USP25: variants seen among roughly 807,000 people sequenced by gnomAD.
The protein encoded by USP25 is ubiquitin specific peptidase 25.
USP25 carries 85 observed loss-of-function variants against 158.5 expected under a neutral mutation model. The ratio of observed to expected loss-of-function variants is 0.54; its 90% CI spans 0.45 to 0.64. USP25 has a LOEUF of 0.64. Among genes scored for constraint, USP25 ranks in the 30% least tolerant of loss-of-function variants. USP25 has a pLI of 0.00. For missense variants in USP25, 1,242 were observed against 1,327.3 expected (o/e 0.94, Z 1.00); for synonymous variants, 464 against 460.4 (o/e 1.01, Z -0.10).
rs761776927 is a variant in USP25, at chr21:15,766,180, A to T, written c.268+39A>T. ...CTTTTCTTATTATTTTAATAGAAAC[A>T]TACTGAAAAACTTTTCTTGGTGTAA... On this transcript the variant is annotated intron_variant, in intron 3 of 25. Coordinates refer to ENST00000400183, the MANE Select transcript of USP25 (RefSeq NM_001283041.3). This position sits in a 1 kb window ranked among gnomAD's most constrained non-coding sequence, Gnocchi z 4.0. The T allele has an allele frequency of 1.2e-5, 18 of 1,550,184 alleles. No homozygotes were observed. The highest frequency in any genetic ancestry group is 1.4e-5 in the African/African-American group (1 of 71,724).
intron 1 of USP25, among the ~76,000 whole-genome samples, chr21:15,736,992 A>G (rs1317165180): frequency 6.6e-6 from 1 of 151,308 alleles, no homozygotes; most frequent in Non-Finnish European, 1.5e-5. Flanking sequence ...GAGTTCAGAA[A>G]TTTCACTTGC....
chr21:15,731,313 G>A (rs1348893969), intron 1 of USP25, among the ~76,000 whole-genome samples: 1 of 152,016 alleles, frequency 6.6e-6, no homozygotes, highest in African/African-American at 2.4e-5. Context: ...TTTAATTTGC[G>A]TGAAAAGCAT....
At chr21:15,778,620 G>A (rs1362369506) in intron 4 of USP25, among the ~76,000 whole-genome samples, 1 of 152,112 alleles carries the variant, frequency 6.6e-6, no homozygotes, top group Non-Finnish European at 1.5e-5. Context: ...GCTCCAAGAT[G>A]TGTGCTAGAA....
intron 17 of USP25, among the ~76,000 whole-genome samples, chr21:15,834,017 C>T (rs899231002): frequency 5.9e-5 from 9 of 152,002 alleles, no homozygotes; most frequent in African/African-American, 1.9e-4. Flanking sequence ...AAAATACTAC[C>T]ATTAATAACT....
chr21:15,762,862 T>C (rs1224524335), intron 1 of USP25, 29 bp from the exon 2 acceptor site: 4 of 1,591,884 alleles, frequency 2.5e-6, no homozygotes, highest in South Asian at 1.1e-5. Flanking sequence ...GTTGAGAATA[T>C]AATGATTTTG....
At chr21:15,822,374 GAC>G (rs2037279045) in intron 10 of USP25, among the ~76,000 whole-genome samples, 1 of 151,902 alleles carries the variant, frequency 6.6e-6, no homozygotes, top group Admixed American at 6.6e-5. Flanking sequence ...TCATAACAGA[GAC>G]ATATTACATA....
At chr21:15,873,926 C>A (rs1405572934) in intron 23 of USP25, among the ~76,000 whole-genome samples, 1 of 150,334 alleles carries the variant, frequency 6.7e-6, no homozygotes, top group African/African-American at 2.4e-5. Flanking sequence ...TTTTTTTTTA[C>A]ATTTTTCTCA....
In USP25 at chr21:15,799,735, TTAA is replaced by T; in HGVS notation, c.556-21_556-19del. 6.5e-7 allele frequency: 1 copy of T among 1,536,900 alleles called. No homozygotes were observed. Among genetic ancestry groups the T allele is most frequent in the Non-Finnish European group, 8.9e-7 (1 of 1,125,090 alleles). On this transcript the variant is annotated intron_variant, in intron 5 of 25. Coordinates refer to ENST00000400183, the MANE Select transcript of USP25 (RefSeq NM_001283041.3). The stretch of plus-strand genomic sequence containing the variant: ...TAATGGAATTTTCCCTCAGGTTATG[TTAA>T]ATTGTTGTTCTTTTTCAGTCATTAT...
rs79946988 is a variant in USP25 at position 15,829,848 on chromosome 21, A to G, written c.1694-683A>G. On this transcript the variant is annotated intron_variant, in intron 14 of 25. Transcript: ENST00000400183. Reference sequence around the variant, plus strand: ...CCTATAAGGTTACTAGTTTTCTGACAGGCTTAAGACAGGTCTTTCCCCACT... The same window carrying G: ...CCTATAAGGTTACTAGTTTTCTGACGGGCTTAAGACAGGTCTTTCCCCACT... Among the ~76,000 whole-genome samples, 1,441 of 152,248 alleles carry G rather than the reference A, an allele frequency of 9.5e-3. 21 individuals carry two copies. The highest frequency in any genetic ancestry group is 0.033 in the African/African-American group (1,373 of 41,564).
chr21:15,833,257 T>G, intron 16 of USP25, 91 bp from the exon 17 acceptor site: 1 of 1,228,912 alleles, frequency 8.1e-7, no homozygotes, highest in South Asian at 1.5e-5. Context: ...AATTCATAGT[T>G]TAAATTCTAT....
At chr21:15,869,526 C>G (rs906702946) in intron 22 of USP25, among the ~76,000 whole-genome samples, 1 of 152,114 alleles carries the variant, frequency 6.6e-6, no homozygotes, top group Non-Finnish European at 1.5e-5. Context: ...GAAATGTGAA[C>G]TGCAGTTATT....
At chr21:15,798,252 A>AT (rs1400829804) in intron 5 of USP25, among the ~76,000 whole-genome samples, 2 of 151,186 alleles carry the variant, frequency 1.3e-5, no homozygotes, top group Middle Eastern at 3.2e-3. Context: ...TGTGCCAGCT[A>AT]TTTTTTGATG....
intron 2 of USP25, among the ~76,000 whole-genome samples, chr21:15,763,673 T>G (rs941758519): frequency 6.6e-6 from 1 of 152,180 alleles, no homozygotes; most frequent in African/African-American, 2.4e-5. Flanking sequence ...GCCACTGCAG[T>G]CATATACACA....
At chr21:15,873,603 G>T (rs2039980978) in intron 23 of USP25, among the ~76,000 whole-genome samples, 1 of 151,512 alleles carries the variant, frequency 6.6e-6, no homozygotes, top group Non-Finnish European at 1.5e-5. Context: ...CCGGGATTCT[G>T]CTACCTCAGC....
chr21:15,761,497 G>T (rs1397968051), intron 1 of USP25, among the ~76,000 whole-genome samples: 1 of 152,168 alleles, frequency 6.6e-6, no homozygotes, highest in African/African-American at 2.4e-5. Context: ...GAGTGAATGG[G>T]CTCAAGCATA....
At chr21:15,803,270 T>A (rs188462328) in intron 6 of USP25, among the ~76,000 whole-genome samples, 1 of 151,856 alleles carries the variant, frequency 6.6e-6, no homozygotes, top group African/African-American at 2.4e-5. Flanking sequence ...AGCATTACCC[T>A]GAAATGAAAA....
chr21:15,853,481 T>C (rs1420922846), intron 20 of USP25, among the ~76,000 whole-genome samples: 1 of 152,222 alleles, frequency 6.6e-6, no homozygotes, highest in Non-Finnish European at 1.5e-5. Flanking sequence ...TGAATTAGTT[T>C]AGAGTACTTT....
At chr21:15,734,455 CAG>C (rs2031285161) in intron 1 of USP25, among the ~76,000 whole-genome samples, 1 of 152,132 alleles carries the variant, frequency 6.6e-6, no homozygotes, top group Non-Finnish European at 1.5e-5. Context: ...TTGATTTGGG[CAG>C]AGAGGTTTCC....
chr21:15,781,595 G>C (rs1265683846), intron 4 of USP25, among the ~76,000 whole-genome samples: 1 of 152,128 alleles, frequency 6.6e-6, no homozygotes, highest in Non-Finnish European at 1.5e-5. Context: ...AGAGTACCAA[G>C]AGAACAGCAA....
Sources: gnomAD v4.1 joint callset for allele counts (sites outside exome capture counted in the v4.1 genomes callset) on GRCh38, gnomAD v4.1.1 for gene constraint, Gnocchi (gnomAD v3.1) non-coding constraint, MANE v1.5 for transcripts, NCBI Gene and HGNC (gene_info 2026-07-23, HGNC 2026-07-21) for gene names.